RCL1: variants seen among roughly 807,000 people sequenced by gnomAD.
RCL1 encodes the protein RNA 3'-terminal phosphate cyclase-like protein.
Under a neutral mutation model 42.4 loss-of-function variants are expected in RCL1, and 24 were observed. That is an observed-to-expected ratio of 0.57 (90% CI 0.41 to 0.80). RCL1 has a LOEUF of 0.80. RCL1 is among the 30% of genes least tolerant of loss of function. The pLI, the probability that RCL1 is intolerant of heterozygous loss-of-function variation, is 0.00. For missense variants in RCL1, 578 were observed against 467.9 expected (o/e 1.24, Z -2.17); for synonymous variants, 228 against 177.3 (o/e 1.29, Z -2.27).
chr9:4,851,532 T>C (rs1231699283), intron 8 of RCL1, among the ~76,000 whole-genome samples: 3 of 152,224 alleles, frequency 2.0e-5, no homozygotes, highest in Non-Finnish European at 4.4e-5. Context: ...GTTAACATTG[T>C]ATTTGTGAGT....
At chr9:4,803,116 G>C (rs1393937762) in intron 1 of RCL1, among the ~76,000 whole-genome samples, 1 of 151,916 alleles carries the variant, frequency 6.6e-6, no homozygotes, top group Admixed American at 6.6e-5. Flanking sequence ...CAAAGCGTCA[G>C]AATTACAGGT....
intron 1 of RCL1, among the ~76,000 whole-genome samples, chr9:4,817,912 ATTTTTTTT>A (rs66886360): frequency 1.5e-4 from 12 of 78,352 alleles, no homozygotes; most frequent in Admixed American, 3.1e-4. Context: ...CTTTTCTAAG[ATTTTTTTT>A]TTTTTTTTTT....
chr9:4,842,817 T>C (rs550358700), intron 6 of RCL1, among the ~76,000 whole-genome samples: 1 of 152,326 alleles, frequency 6.6e-6, no homozygotes, highest in East Asian at 1.9e-4. Context: ...CAGCAGAAGC[T>C]GTCTAAATGG....
intron 8 of RCL1, 42 bp from the exon 9 acceptor site, chr9:4,860,083 T>C: frequency 1.4e-6 from 2 of 1,392,176 alleles, no homozygotes; most frequent in Non-Finnish European, 1.9e-6. Context: ...TTTTTTTGAA[T>C]GAATTTCTTT....
At chr9:4,832,464 AT>A (rs1273053532) in intron 3 of RCL1, among the ~76,000 whole-genome samples, 2 of 152,172 alleles carry the variant, frequency 1.3e-5, no homozygotes, top group Admixed American at 1.3e-4. Context: ...TACTGGACAA[AT>A]GTTAATGAAA....
At position 4,827,051 on chromosome 9, in the gene RCL1, AC is replaced by A; in HGVS notation, c.384+20del. The A allele has an allele frequency of 6.2e-7, 1 of 1,614,130 alleles. No individual in the cohort carries two copies. The highest frequency in any genetic ancestry group is 8.5e-7 in the Non-Finnish European group (1 of 1,180,008). On this transcript the variant is annotated intron_variant, in intron 3 of 8. Coordinates refer to ENST00000381750, the MANE Select transcript of RCL1 (RefSeq NM_005772.5). ...ACCCTTCAGTGAGTATTGAGAACAA[AC>A]CGTGGTGTGGTTTTTGTTTTGTCTC...
At chr9:4,811,535 C>G (rs1415047733) in intron 1 of RCL1, among the ~76,000 whole-genome samples, 1 of 152,072 alleles carries the variant, frequency 6.6e-6, no homozygotes, top group Non-Finnish European at 1.5e-5. Context: ...CTGTGTCTGG[C>G]TTATCTTACT....
rs1816489097 is a variant in RCL1 at position 4,818,889 on chromosome 9, GA to G, written c.137-4654del. 2.1e-5 allele frequency among the ~76,000 whole-genome samples: 3 copies of G among 140,216 alleles called. No individual in the cohort carries two copies. In the South Asian group the frequency reaches 6.7e-4, roughly 31 times the overall value. 92.0% of individuals were successfully genotyped at this position (140,216 alleles called of 152,430 possible). A position where few individuals can be genotyped will look rare whatever the true frequency, so the allele number is the denominator to read the frequency against. On this transcript the variant is annotated intron_variant, in intron 1 of 8. Coordinates refer to ENST00000381750, the MANE Select transcript of RCL1 (RefSeq NM_005772.5). ...TCTGTCTCAAAAAAAAAAAAAAAAAGAAAAAGAAATTGAAATCACATTATAT... is the reference window on the plus strand; with the variant it reads ...TCTGTCTCAAAAAAAAAAAAAAAAAGAAAAGAAATTGAAATCACATTATAT...
At chr9:4,817,912 ATT>A (rs66886360) in intron 1 of RCL1, among the ~76,000 whole-genome samples, 140 of 78,350 alleles carry the variant, frequency 1.8e-3, no homozygotes, top group Middle Eastern at 0.011. Context: ...CTTTTCTAAG[ATT>A]TTTTTTTTTT....
chr9:4,814,639 T>C (rs1348824522), intron 1 of RCL1, among the ~76,000 whole-genome samples: 1 of 152,236 alleles, frequency 6.6e-6, no homozygotes, highest in Non-Finnish European at 1.5e-5. Context: ...TTGTTTGTCA[T>C]TGCAGTTTGA....
Position 4,820,892 on chromosome 9 carries a change from T to C in RCL1, c.137-2656T>C, listed in dbSNP as rs142805643. ...TCACAACCTATTACACATACACATA[T>C]GTGTAAAACAGACTGAAGTTTCACG... On this transcript the variant is annotated intron_variant, in intron 1 of 8. Transcript: ENST00000381750. Among the ~76,000 whole-genome samples the C allele has an allele frequency of 4.0e-3, 611 of 152,332 alleles. 11 individuals are homozygous for C. The highest frequency in any genetic ancestry group is 0.026 in the East Asian group (135 of 5,180).
At chr9:4,857,397 A>G (rs1817997027) in intron 8 of RCL1, among the ~76,000 whole-genome samples, 1 of 152,072 alleles carries the variant, frequency 6.6e-6, no homozygotes, top group South Asian at 2.1e-4. Context: ...TTCACTTAGC[A>G]TAATGTTTTC....
At chr9:4,846,418 C>T (rs574094372) in intron 7 of RCL1, among the ~76,000 whole-genome samples, 2 of 152,284 alleles carry the variant, frequency 1.3e-5, no homozygotes, top group South Asian at 2.1e-4. Flanking sequence ...GATCTGGCCT[C>T]AGATGTTTTG....
At chr9:4,845,158 A>G (rs1367750774) in intron 7 of RCL1, among the ~76,000 whole-genome samples, 6 of 152,374 alleles carry the variant, frequency 3.9e-5, no homozygotes, top group Non-Finnish European at 5.9e-5. Context: ...AGATTTTGCA[A>G]TGCATTCTAG....
rs374061399 is a variant in RCL1 at position 4,850,972 on chromosome 9, G to A, written c.971+1422G>A. Among the ~76,000 whole-genome samples, 51 of 152,238 alleles carry A rather than the reference G, an allele frequency of 3.4e-4. No homozygotes were observed. The South Asian group carries it at 0.01, about 31-fold the overall frequency. ...AATGTGTGTGGTCCTGGGGCATGGG[G>A]TTTGGCAGAACATTCTGTGAAAATG... On this transcript the variant is annotated intron_variant, in intron 8 of 8. Coordinates refer to ENST00000381750, the MANE Select transcript of RCL1 (RefSeq NM_005772.5).
chr9:4,860,434 A>G lies in RCL1; in HGVS notation c.*159A>G, dbSNP rs2129768158. 2 of 798,028 alleles carry G rather than the reference A, an allele frequency of 2.5e-6. No homozygotes were observed. Among genetic ancestry groups the G allele is most frequent in the East Asian group, 6.2e-5 (2 of 32,262 alleles). 49.4% of individuals were successfully genotyped at this position (798,028 alleles called of 1,614,324 possible). A position where few individuals can be genotyped will look rare whatever the true frequency, so the allele number is the denominator to read the frequency against. The stretch of plus-strand genomic sequence containing the variant: ...ATATACAAATAAAAGACATCCCTGT[A>G]GCATATGGTTTCCAGCTGTTTCTCC... On this transcript the variant is annotated 3_prime_UTR_variant, in exon 9 of 9. Coordinates refer to ENST00000381750, the MANE Select transcript of RCL1 (RefSeq NM_005772.5).
chr9:4,841,348 A>T lies in RCL1; in HGVS notation c.701A>T (p.Asn234Ile). 6.2e-7 allele frequency: 1 copy of T among 1,611,428 alleles called. No individual in the cohort carries two copies. The highest frequency in any genetic ancestry group is 8.5e-7 in the Non-Finnish European group (1 of 1,177,764). The stretch of plus-strand genomic sequence containing the variant: ...TACACAGATCACATGAAAGGAGTCA[A>T]CTCTGGGAAGTAAGTATCTGTGTTT... ...YIYTDHMKGV[N>I]SGKSPGFGLS... Residue 234 changes from asparagine (N) to isoleucine (I), a missense_variant, in exon 6 of 9, where the codon AAC (asparagine) becomes ATC (isoleucine). Coordinates refer to ENST00000381750, the MANE Select transcript of RCL1 (RefSeq NM_005772.5).
rs373969540 is a variant in RCL1 at position 4,795,901 on chromosome 9, A to T, written c.136+2674A>T. Among the ~76,000 whole-genome samples the T allele has an allele frequency of 3.3e-5, 5 of 152,286 alleles. No individual in the cohort carries two copies. The East Asian group carries it at 5.8e-4, about 18-fold the overall frequency. ...TCATGGAGCTTGTCATGTAAGTAGG[A>T]TGTTACTAAGTTTGAGTAACTTGAA... On this transcript the variant is annotated intron_variant, in intron 1 of 8. Transcript: ENST00000381750.
chr9:4,826,875 C>G lies in RCL1; in HGVS notation c.226C>G (p.Gln76Glu). ...GGTTTAAGGAACAACCTTATATTATCAGCCTGGCCTCCTGTATGGTGGATC... is the reference window on the plus strand; with the variant it reads ...GGTTTAAGGAACAACCTTATATTATGAGCCTGGCCTCCTGTATGGTGGATC... ...INQTGTTLYY[Q>E]PGLLYGGSVE... is the part of the protein sequence containing the mutation. Residue 76 changes from glutamine to glutamate, a missense_variant, in exon 3 of 9, where the codon CAG becomes GAG. Coordinates refer to ENST00000381750, the MANE Select transcript of RCL1 (RefSeq NM_005772.5). 1.2e-6 allele frequency: 2 copies of G among 1,613,040 alleles called. No individual in the cohort carries two copies. The highest frequency in any genetic ancestry group is 1.7e-6 in the Non-Finnish European group (2 of 1,179,548).
Sources: gnomAD v4.1 joint callset for allele counts (sites outside exome capture counted in the v4.1 genomes callset) on GRCh38, gnomAD v4.1.1 for gene constraint, MANE v1.5 for transcripts, NCBI Gene and HGNC (gene_info 2026-07-23, HGNC 2026-07-21) for gene names.